Variants in LMBR1 observed in about 807,000 individuals in gnomAD.
LMBR1 encodes the protein limb region 1 protein homolog.
Under a neutral mutation model 73.9 loss-of-function variants are expected in LMBR1, and 52 were observed. The observed-to-expected ratio is 0.70, with a 90% CI of 0.56 to 0.89. LMBR1 has a LOEUF of 0.89. LMBR1 is among the 40% of genes least tolerant of loss of function. The probability of loss-of-function intolerance (pLI) is 0.00; values close to 1 mark genes in which losing one functional copy is unlikely to be tolerated. For synonymous variants in LMBR1, 215 were observed against 209.4 expected (o/e 1.03, Z -0.23); for missense variants, 539 against 579.8 (o/e 0.93, Z 0.72).
chr7:156,869,985 T>C (rs1799032310), intron 1 of LMBR1, among the ~76,000 whole-genome samples: 2 of 151,934 alleles, frequency 1.3e-5, no homozygotes, highest in Admixed American at 1.3e-4. Context: ...CATTTGACAA[T>C]GATAAAAGGA....
Sources: gnomAD v4.1 joint callset for allele counts (sites outside exome capture counted in the v4.1 genomes callset) on GRCh38, gnomAD v4.1.1 for gene constraint, MANE v1.5 for transcripts, NCBI Gene and HGNC (gene_info 2026-07-23, HGNC 2026-07-21) for gene names.